The following EXOC6B variants were observed in gnomAD, a reference collection of about 807,000 sequenced individuals.
EXOC6B encodes SEC15 homolog B.
Under a neutral mutation model 113.5 loss-of-function variants are expected in EXOC6B, and 54 were observed. The observed-to-expected ratio is 0.48, with a 90% CI of 0.38 to 0.60. The LOEUF is 0.60. EXOC6B is among the 20% of genes least tolerant of loss of function. EXOC6B has a pLI of 0.00. For synonymous variants in EXOC6B, 357 were observed against 339.0 expected, an observed-to-expected ratio of 1.05 and a Z score of -0.58; for missense variants, 797 against 977.5, an observed-to-expected ratio of 0.82 and a Z score of 2.46.
At chr2:72,662,943 T>G (rs1675128000) in intron 6 of EXOC6B, among the ~76,000 whole-genome samples, 2 of 151,962 alleles carry the variant, frequency 1.3e-5, no homozygotes, top group African/African-American at 4.8e-5. Context: ...ATGTTCTCAA[T>G]CTCCTGACCT....
intron 1 of EXOC6B, among the ~76,000 whole-genome samples, chr2:72,785,852 C>G (rs1016969998): frequency 6.6e-6 from 1 of 152,226 alleles, no homozygotes; most frequent in African/African-American, 2.4e-5. Context: ...AATTGCTCCC[C>G]AGAAAACGGG....
intron 18 of EXOC6B, among the ~76,000 whole-genome samples, chr2:72,385,239 T>C (rs1214828313): frequency 3.3e-5 from 5 of 152,112 alleles, no homozygotes. Context: ...TTGATAAAGA[T>C]ACCAATAACA....
intron 20 of EXOC6B, among the ~76,000 whole-genome samples, chr2:72,211,825 C>G (rs569310803): frequency 6.6e-6 from 1 of 152,226 alleles, no homozygotes; most frequent in Non-Finnish European, 1.5e-5. Flanking sequence ...GGTTGTATAT[C>G]AATTTGGTTT....
chr2:72,438,623 C>T lies in EXOC6B; in HGVS notation c.1980+26537G>A, dbSNP rs145112649. ...GTGACACAGTGAGAACACTATCTCT[C>T]GAGAAAAAAAACAGAGAGAGAGAAA... On this transcript the variant is annotated intron_variant, in intron 18 of 21. Transcript: ENST00000272427. Among the ~76,000 whole-genome samples the T allele has an allele frequency of 1.9e-4, 29 of 151,532 alleles. No individual in the cohort carries two copies. The East Asian group carries it at 2.7e-3, about 14-fold the overall frequency.
At chr2:72,705,412 G>A (rs1311302885) in intron 6 of EXOC6B, among the ~76,000 whole-genome samples, 1 of 152,036 alleles carries the variant, frequency 6.6e-6, no homozygotes, top group East Asian at 1.9e-4. Context: ...TTTGAAAACT[G>A]GCACAAGACA....
chr2:72,461,555 T>C (rs1166007359), intron 18 of EXOC6B: 1 of 152,014 alleles, frequency 6.6e-6, no homozygotes, highest in Non-Finnish European at 1.5e-5. Context: ...ATTATATGAA[T>C]ATACAATAAT....
intron 8 of EXOC6B, among the ~76,000 whole-genome samples, chr2:72,545,161 CAATTTT>C (rs1316692410): frequency 6.6e-6 from 1 of 152,070 alleles, no homozygotes; most frequent in Non-Finnish European, 1.5e-5. Context: ...GAAGCACTAT[CAATTTT>C]AATAAAAGCT....
chr2:72,302,324 G>A (rs906269537), intron 20 of EXOC6B, among the ~76,000 whole-genome samples: 2 of 152,100 alleles, frequency 1.3e-5, no homozygotes, highest in Non-Finnish European at 2.9e-5. Flanking sequence ...TGTTGTTTTC[G>A]GGGGGAGAAT....
At chr2:72,557,873 A>G (rs1368995732) in intron 8 of EXOC6B, among the ~76,000 whole-genome samples, 1 of 152,200 alleles carries the variant, frequency 6.6e-6, no homozygotes, top group Non-Finnish European at 1.5e-5. Context: ...AAAGTGTCCG[A>G]AAATACACAG....
intron 20 of EXOC6B, among the ~76,000 whole-genome samples, chr2:72,190,206 A>C (rs1678740378): frequency 1.3e-5 from 2 of 150,820 alleles, no homozygotes; most frequent in Non-Finnish European, 3.0e-5. Context: ...TTAACTTTTA[A>C]ATTTTTATTT....
intron 8 of EXOC6B, chr2:72,515,877 T>A: frequency 3.4e-6 from 1 of 294,252 alleles, no homozygotes; most frequent in Non-Finnish European, 5.1e-6. Flanking sequence ...GGTGGGACCT[T>A]AATAGAGTAT....
rs374236749 is a variant in EXOC6B, at chr2:72,292,640, C to A, written c.2196+42307G>T. Among the ~76,000 whole-genome samples the A allele has an allele frequency of 7.2e-5, 11 of 152,162 alleles. 1 individual carries two copies. The East Asian group carries it at 2.1e-3, about 29-fold the overall frequency. Reference sequence around the variant, plus strand: ...ACAATCAGAATATGCAGAACTGTTGCATCATCATAAAGAAACTCCTTTGTT... The same window carrying A: ...ACAATCAGAATATGCAGAACTGTTGAATCATCATAAAGAAACTCCTTTGTT... On this transcript the variant is annotated intron_variant, in intron 20 of 21. Transcript: ENST00000272427.
intron 1 of EXOC6B, among the ~76,000 whole-genome samples, chr2:72,801,665 G>C (rs1010030578): frequency 1.3e-5 from 2 of 152,144 alleles, no homozygotes; most frequent in East Asian, 1.9e-4. Context: ...AGCTCACCAA[G>C]ATTAAATAAT....
chr2:72,186,074 C>G (rs1678413140), intron 20 of EXOC6B, among the ~76,000 whole-genome samples: 1 of 152,154 alleles, frequency 6.6e-6, no homozygotes, highest in South Asian at 2.1e-4. Context: ...AGTACATGAA[C>G]TCATCCTTTT....
At chr2:72,795,998 T>A (rs1195023631) in intron 1 of EXOC6B, among the ~76,000 whole-genome samples, 1 of 151,866 alleles carries the variant, frequency 6.6e-6, no homozygotes, top group African/African-American at 2.4e-5. Flanking sequence ...ATTTTTGTAT[T>A]TTTAGTAGAG....
intron 19 of EXOC6B, among the ~76,000 whole-genome samples, chr2:72,378,773 TA>T (rs35117082): frequency 1.3e-5 from 2 of 151,970 alleles, no homozygotes; most frequent in African/African-American, 2.4e-5. Flanking sequence ...TTTCTTAGAA[TA>T]AAAAAAATTC....
At chr2:72,616,843 G>A (rs1364023548) in intron 6 of EXOC6B, among the ~76,000 whole-genome samples, 2 of 152,044 alleles carry the variant, frequency 1.3e-5, no homozygotes, top group African/African-American at 4.8e-5. Flanking sequence ...CTTCCCAACA[G>A]TCTCCCAAAG....
chr2:72,314,960 G>A (rs1687424570), intron 20 of EXOC6B, among the ~76,000 whole-genome samples: 1 of 151,980 alleles, frequency 6.6e-6, no homozygotes, highest in Non-Finnish European at 1.5e-5. Flanking sequence ...TTTTACTAGG[G>A]GGAAGAACAA....
At chr2:72,324,127 G>T (rs1002448720) in intron 20 of EXOC6B, among the ~76,000 whole-genome samples, 2 of 151,520 alleles carry the variant, frequency 1.3e-5, no homozygotes, top group African/African-American at 4.9e-5. Context: ...ATTTAGTTAG[G>T]GCTTATTTTT....
Sources: gnomAD v4.1 joint callset for allele counts (sites outside exome capture counted in the v4.1 genomes callset) on GRCh38, gnomAD v4.1.1 for gene constraint, MANE v1.5 for transcripts, NCBI Gene and HGNC (gene_info 2026-07-23, HGNC 2026-07-21) for gene names.